WDR27: variants seen among roughly 807,000 people sequenced by gnomAD.
WDR27 encodes WD repeat-containing protein 27.
Under a neutral mutation model 114.4 loss-of-function variants are expected in WDR27, and 100 were observed. That is an observed-to-expected ratio of 0.87 (90% confidence interval 0.74 to 1.03). The LOEUF (loss-of-function observed/expected upper bound fraction) is 1.03. Among genes scored for constraint, WDR27 ranks in the 50% least tolerant of loss-of-function variants. The probability of loss-of-function intolerance (pLI) is 0.00; values close to 1 mark genes in which losing one functional copy is unlikely to be tolerated. For missense variants in WDR27, 1,129 were observed against 1,092.9 expected (o/e 1.03, Z -0.47); for synonymous variants, 449 against 423.1 (o/e 1.06, Z -0.75).
intron 24 of WDR27, among the ~76,000 whole-genome samples, chr6:169,576,043 T>G (rs1354513776): frequency 7.5e-6 from 1 of 133,640 alleles, no homozygotes; most frequent in African/African-American, 2.5e-5. Flanking sequence ...AAAAACTGCA[T>G]ACTGCAAAGC....
At chr6:169,638,683 G>A (rs1013261652) in intron 17 of WDR27, 23 bp from the exon 18 acceptor site, 1 of 1,584,286 alleles carries the variant, frequency 6.3e-7, no homozygotes, top group South Asian at 1.2e-5. Flanking sequence ...ACCACAGAAG[G>A]TTACTATTTC....
At chr6:169,493,338 T>C (rs1430797365) in intron 25 of WDR27, among the ~76,000 whole-genome samples, 1 of 152,094 alleles carries the variant, frequency 6.6e-6, no homozygotes, top group African/African-American at 2.4e-5. Context: ...ACAATCTTTA[T>C]GCACCTAAAA....
intron 25 of WDR27, among the ~76,000 whole-genome samples, chr6:169,552,941 C>T (rs3006170): frequency 0.45 from 66,622 of 149,040 alleles, 18,596 homozygotes; most frequent in Non-Finnish European, 0.63. Context: ...GGCTCGCACG[C>T]GCTCTGTGTG....
Position 169,492,482 on chromosome 6 carries a change from C to T in WDR27, c.2646-34848G>A, listed in dbSNP as rs552073416. Among the ~76,000 whole-genome samples the T allele has an allele frequency of 1.2e-4, 18 of 152,192 alleles. No individual in the cohort carries two copies. The South Asian group carries it at 1.2e-3, about 11-fold the overall frequency. On this transcript the variant is annotated intron_variant, in intron 25 of 25. Coordinates refer to ENST00000448612, the MANE Select transcript of WDR27 (RefSeq NM_182552.5). ...AGGACAGCAAATTGCTTATCAGCAA[C>T]ATTAGACACCCGAAGGCAGGAGAAA...
At chr6:169,458,088 C>G (rs55642930) in intron 25 of WDR27, among the ~76,000 whole-genome samples, 4,643 of 152,026 alleles carry the variant, frequency 0.031, 215 homozygotes, top group African/African-American at 0.1. Context: ...CCAGTACTTT[C>G]AATTTATGGA....
chr6:169,561,084 A>C (rs1043948821), intron 25 of WDR27, among the ~76,000 whole-genome samples: 4 of 152,146 alleles, frequency 2.6e-5, no homozygotes, highest in Non-Finnish European at 5.9e-5. Context: ...AAATGCCATA[A>C]ACTGGGTGGT....
At chr6:169,658,777 G>A (rs12529302) in intron 12 of WDR27, among the ~76,000 whole-genome samples, 10,421 of 150,762 alleles carry the variant, frequency 0.069, 657 homozygotes, top group East Asian at 0.19. Flanking sequence ...TCCGCCTCCC[G>A]GGTTCCCACC....
Position 169,641,517 on chromosome 6 carries a change from G to A in WDR27, c.1747+2180C>T, listed in dbSNP as rs373678705. 1.5e-4 allele frequency among the ~76,000 whole-genome samples: 23 copies of A among 152,244 alleles called. No homozygotes were observed. The South Asian group carries it at 2.5e-3, about 16-fold the overall frequency. On this transcript the variant is annotated intron_variant, in intron 17 of 25. Coordinates refer to ENST00000448612, the MANE Select transcript of WDR27 (RefSeq NM_182552.5). ...AAAAGGATTCTAAAACCCTACCTAG[G>A]TCAGGGTTTTAGACCTCTGGACCTA...
At chr6:169,632,388 C>T (rs1033225376) in intron 21 of WDR27, among the ~76,000 whole-genome samples, 3 of 152,090 alleles carry the variant, frequency 2.0e-5, no homozygotes, top group Non-Finnish European at 4.4e-5. Context: ...AGTTTTAGTC[C>T]TAAGAAATAC....
chr6:169,465,589 TAC>T (rs1291055418), intron 25 of WDR27, among the ~76,000 whole-genome samples: 2 of 152,236 alleles, frequency 1.3e-5, no homozygotes, highest in Non-Finnish European at 2.9e-5. Flanking sequence ...GAGATATTTC[TAC>T]ACTTATGTTT....
intron 25 of WDR27, among the ~76,000 whole-genome samples, chr6:169,514,771 T>A (rs1342364679): frequency 6.7e-6 from 1 of 148,674 alleles, no homozygotes; most frequent in East Asian, 1.9e-4. Flanking sequence ...TATATATATA[T>A]ATATATGATC....
chr6:169,691,761 TG>T (rs1784560545), intron 1 of WDR27, among the ~76,000 whole-genome samples: 2 of 152,346 alleles, frequency 1.3e-5, no homozygotes, highest in Admixed American at 6.5e-5. Context: ...AAACCACTTC[TG>T]TAGACATTAA....
chr6:169,621,074 A>G (rs1419505638), intron 21 of WDR27, among the ~76,000 whole-genome samples: 1 of 152,224 alleles, frequency 6.6e-6, no homozygotes, highest in Non-Finnish European at 1.5e-5. Flanking sequence ...AACACTGCCA[A>G]GTGCACAGCA....
At chr6:169,634,375 G>T in intron 20 of WDR27, 53 bp downstream of exon 20, 1 of 1,378,082 alleles carries the variant, frequency 7.3e-7, no homozygotes, top group East Asian at 2.4e-5. Context: ...GCCTCTGCCA[G>T]AGGAACAACA....
chr6:169,517,939 G>C (rs557269065), intron 25 of WDR27, among the ~76,000 whole-genome samples: 1 of 152,206 alleles, frequency 6.6e-6, no homozygotes, highest in Non-Finnish European at 1.5e-5. Flanking sequence ...AGATAACAGA[G>C]TTTATCCTAC....
intron 7 of WDR27, chr6:169,665,166 C>T (rs1585023518): frequency 1.4e-5 from 15 of 1,072,934 alleles, no homozygotes; most frequent in Admixed American, 1.0e-4. Context: ...CCCGTGGGAG[C>T]GGGGGACGTC....
chr6:169,638,476 C>G, intron 18 of WDR27, 63 bp downstream of exon 18: 1 of 1,577,910 alleles, frequency 6.3e-7, no homozygotes, highest in Non-Finnish European at 8.6e-7. Flanking sequence ...AAGAATGAGA[C>G]TTTTGAGAAG....
intron 24 of WDR27, among the ~76,000 whole-genome samples, chr6:169,576,970 G>A (rs943598298): frequency 4.3e-5 from 6 of 140,198 alleles, no homozygotes; most frequent in Non-Finnish European, 7.6e-5. Flanking sequence ...GAAAATCACA[G>A]TTAAGTAATT....
chr6:169,681,752 G>A (rs1228518210), intron 2 of WDR27, among the ~76,000 whole-genome samples: 2 of 152,184 alleles, frequency 1.3e-5, no homozygotes, highest in Admixed American at 6.5e-5. Flanking sequence ...AGACTTGCCC[G>A]TATCTTGCAA....
Sources: gnomAD v4.1 joint callset for allele counts (sites outside exome capture counted in the v4.1 genomes callset) on GRCh38, gnomAD v4.1.1 for gene constraint, MANE v1.5 for transcripts, NCBI Gene and HGNC (gene_info 2026-07-23, HGNC 2026-07-21) for gene names.